Variants in FAM200B observed in about 807,000 individuals in gnomAD.
FAM200B encodes the protein protein FAM200B.
A neutral mutation model predicts 33.1 loss-of-function variants in FAM200B; 32 were observed. That is an observed-to-expected ratio of 0.97 (90% CI 0.73 to 1.30). The LOEUF (loss-of-function observed/expected upper bound fraction) is 1.30, where lower values mean the gene tolerates loss of function less well. FAM200B is among the 50% of genes most tolerant of loss of function. The probability of loss-of-function intolerance (pLI) is 0.00; values close to 1 mark genes in which losing one functional copy is unlikely to be tolerated. For synonymous variants in FAM200B, 240 were observed against 264.8 expected (o/e 0.91, Z 0.91); for missense variants, 741 against 754.0 (o/e 0.98, Z 0.20).
the FAM200B span, among the ~76,000 whole-genome samples, chr4:15,658,943 TAA>T: frequency 6.6e-6 from 1 of 152,216 alleles, no homozygotes; most frequent in African/African-American, 2.4e-5. Flanking sequence ...GCTTGAGATA[TAA>T]AGTTGAATAA....
Position 15,688,247 on chromosome 4 carries a change from A to G in FAM200B, c.1270A>G (p.Thr424Ala). 6.5e-7 allele frequency: 1 copy of G among 1,549,572 alleles called. No homozygotes were observed. Among genetic ancestry groups the G allele is most frequent in the Non-Finnish European group, 8.7e-7 (1 of 1,145,386 alleles). Residue 424 changes from threonine (T) to alanine (A), a missense_variant, in exon 2 of 2, where the codon ACT (threonine) becomes GCT (alanine). Coordinates refer to ENST00000422728, the MANE Select transcript of FAM200B (RefSeq NM_001145191.2). ...SHLASIFEDD[T>A]WVTKLAYLTD... ...TTTGGCAAGTATTTTTGAAGATGAT[A>G]CTTGGGTAACAAAATTGGCATATTT...
the FAM200B span, among the ~76,000 whole-genome samples, chr4:15,656,994 A>G: frequency 1.3e-5 from 2 of 150,010 alleles, no homozygotes; most frequent in Non-Finnish European, 3.0e-5. Flanking sequence ...TGGCTTATTC[A>G]CAGTCTGTCT....
the FAM200B span, among the ~76,000 whole-genome samples, chr4:15,646,545 TTTA>T: frequency 6.6e-6 from 1 of 151,694 alleles, no homozygotes; most frequent in African/African-American, 2.4e-5. Flanking sequence ...CTAAATATTT[TTTA>T]TTATTATTAT....
chr4:15,658,607 T>C, the FAM200B span, among the ~76,000 whole-genome samples: 3 of 152,208 alleles, frequency 2.0e-5, no homozygotes, highest in South Asian at 2.1e-4. Flanking sequence ...CTTGGGACTC[T>C]GCAGAGTCGC....
chr4:15,657,205 G>A, the FAM200B span, among the ~76,000 whole-genome samples: 4 of 151,918 alleles, frequency 2.6e-5, no homozygotes. Flanking sequence ...TTTCACTCCA[G>A]CTATCTTGGA....
the FAM200B span, among the ~76,000 whole-genome samples, chr4:15,663,748 T>C: frequency 6.6e-6 from 1 of 152,162 alleles, no homozygotes; most frequent in Non-Finnish European, 1.5e-5. Context: ...CAACAAACAC[T>C]AGGTGACTAT....
chr4:15,659,787 C>G, the FAM200B span: 1 of 967,150 alleles, frequency 1.0e-6, no homozygotes, highest in Non-Finnish European at 1.2e-6. Context: ...TGATTTTCAA[C>G]CAGAGGCTCT....
the FAM200B span, among the ~76,000 whole-genome samples, chr4:15,656,908 G>A: frequency 6.6e-6 from 1 of 150,494 alleles, no homozygotes; most frequent in Admixed American, 6.7e-5. Flanking sequence ...CCACAAATTA[G>A]TAAGTCAAAA....
At chr4:15,652,013 T>A in the FAM200B span, among the ~76,000 whole-genome samples, 1 of 152,182 alleles carries the variant, frequency 6.6e-6, no homozygotes, top group Non-Finnish European at 1.5e-5. Context: ...TACTGGACTG[T>A]AAACTTTTTG....
At chr4:15,679,124 G>A (rs1718103239), upstream of FAM200B, among the ~76,000 whole-genome samples, 2 of 146,436 alleles carry the variant, frequency 1.4e-5, no homozygotes, top group South Asian at 2.1e-4. Flanking sequence ...GTGCAGCGGC[G>A]TGATCTCGGC....
chr4:15,680,625 G>A (rs1718197002), upstream of FAM200B, among the ~76,000 whole-genome samples: 1 of 152,050 alleles, frequency 6.6e-6, no homozygotes, highest in Non-Finnish European at 1.5e-5. Context: ...GCAGTGAGCC[G>A]AGGCTGCGCC....
the FAM200B span, among the ~76,000 whole-genome samples, chr4:15,675,704 C>T: frequency 1.3e-5 from 2 of 151,618 alleles, no homozygotes; most frequent in African/African-American, 4.9e-5. Context: ...GCCTCAGCCT[C>T]CCAAGTAGCT....
the FAM200B span, among the ~76,000 whole-genome samples, chr4:15,646,815 C>T: frequency 2.0e-5 from 3 of 150,914 alleles, no homozygotes; most frequent in Non-Finnish European, 2.9e-5. Flanking sequence ...TTTGTCCTTG[C>T]GACAGTTTGC....
the FAM200B span, among the ~76,000 whole-genome samples, chr4:15,648,927 C>G: frequency 1.3e-5 from 2 of 152,088 alleles, no homozygotes; most frequent in South Asian, 4.1e-4. Context: ...TTTTGGTAAT[C>G]ATTATACAAT....
intron 1 of FAM200B, among the ~76,000 whole-genome samples, chr4:15,683,118 C>T (rs1184050604): frequency 2.6e-5 from 4 of 152,182 alleles, no homozygotes; most frequent in African/African-American, 9.7e-5. Context: ...AGCATTGTAA[C>T]AATAACAATC....
the FAM200B span, among the ~76,000 whole-genome samples, chr4:15,641,080 C>A: frequency 1.3e-5 from 2 of 151,964 alleles, no homozygotes; most frequent in South Asian, 4.2e-4. Context: ...TGTATGTAAC[C>A]CCATATTTTT....
Position 15,688,949 on chromosome 4 carries a change from T to G in FAM200B, c.1972T>G (p.Ter658GluextTer1). ...TATGAACAGGCAAGCACACCCATCA[T>G]AGTAAATAAAAATCTTACCTAGCTT... is the stretch of plus-strand genomic sequence containing the variant. ...ELMNRQAHPS[*>E] The change falls in exon 2 of 2, where the codon TAG becomes GAG. Residue 658 changes from the stop codon to glutamate (E), a stop_lost. Coordinates refer to ENST00000422728, the MANE Select transcript of FAM200B (RefSeq NM_001145191.2). The G allele has an allele frequency of 2.1e-6, 3 of 1,441,052 alleles. No homozygotes were observed. The highest frequency in any genetic ancestry group is 2.7e-6 in the Non-Finnish European group (3 of 1,092,038). The allele number at this position is 1,441,052 out of a possible 1,614,324, so 89.3% of individuals were successfully genotyped here.
rs1253577223 is a variant in FAM200B, at chr4:15,689,456, C to T, written c.*505C>T. The T allele has an allele frequency of 6.0e-6, 1 of 167,038 alleles. No individual in the cohort carries two copies. Among genetic ancestry groups the T allele is most frequent in the Admixed American group, 6.5e-5 (1 of 15,276 alleles). The allele number at this position is 167,038 out of a possible 1,614,324, so 10.3% of individuals were successfully genotyped here. ...GACACTCTGGTCACTATTTTAAATT[C>T]TTAGGGTAAGTCTGAATTAAATGTT... On this transcript the variant is annotated 3_prime_UTR_variant, in exon 2 of 2. Transcript: ENST00000422728.
chr4:15,659,693 T>G, the FAM200B span: 4 of 982,016 alleles, frequency 4.1e-6, no homozygotes, highest in Non-Finnish European at 4.8e-6. Context: ...GAGAAGAGCC[T>G]TCCATTTCCC....
Sources: gnomAD v4.1 joint callset for allele counts (sites outside exome capture counted in the v4.1 genomes callset) on GRCh38, gnomAD v4.1.1 for gene constraint, MANE v1.5 for transcripts, NCBI Gene and HGNC (gene_info 2026-07-23, HGNC 2026-07-21) for gene names.